LRRC7: variants seen among roughly 807,000 people sequenced by gnomAD.
LRRC7 encodes the protein leucine-rich repeat-containing protein 7.
Under a neutral mutation model 175.7 loss-of-function variants are expected in LRRC7, and 23 were observed. The observed-to-expected ratio is 0.13, with a 90% confidence interval of 0.09 to 0.19. The LOEUF is 0.19. LRRC7 is among the 10% of genes least tolerant of loss of function. LRRC7 has a pLI of 1.00. For missense variants in LRRC7, 1,354 were observed against 1,904.7 expected, an observed-to-expected ratio of 0.71 and a Z score of 5.38; for synonymous variants, 685 against 680.9, an observed-to-expected ratio of 1.01 and a Z score of -0.09.
intron 7 of LRRC7, chr1:69,919,345 T>G (rs1646811500): frequency 1.7e-6 from 1 of 597,354 alleles, no homozygotes; most frequent in Non-Finnish European, 3.0e-6. Context: ...AACAAGAGCG[T>G]GAGGAGGAAA....
At chr1:69,841,660 T>C (rs1244755258) in intron 7 of LRRC7, among the ~76,000 whole-genome samples, 3 of 152,156 alleles carry the variant, frequency 2.0e-5, no homozygotes, top group Admixed American at 2.0e-4. Context: ...TGATTTTGAC[T>C]CTTTGTTTAC....
At chr1:70,110,936 A>C (rs976023847) in intron 26 of LRRC7, among the ~76,000 whole-genome samples, 30 of 152,184 alleles carry the variant, frequency 2.0e-4, no homozygotes, top group African/African-American at 7.2e-4. Flanking sequence ...CTGGGAAAAA[A>C]TGGGTTAATA....
chr1:69,798,598 T>C (rs985743930), intron 4 of LRRC7, among the ~76,000 whole-genome samples: 1 of 152,194 alleles, frequency 6.6e-6, no homozygotes, highest in Non-Finnish European at 1.5e-5. Context: ...GTACCCATCA[T>C]GGAAATTAAA....
chr1:69,764,132 G>A (rs1394858117), intron 3 of LRRC7, among the ~76,000 whole-genome samples: 1 of 151,968 alleles, frequency 6.6e-6, no homozygotes, highest in Non-Finnish European at 1.5e-5. Flanking sequence ...TTGATTTTCT[G>A]TAGTGAAAGG....
chr1:69,601,696 A>G (rs565524122), intron 1 of LRRC7, among the ~76,000 whole-genome samples: 324 of 152,308 alleles, frequency 2.1e-3, no homozygotes, highest in Non-Finnish European at 2.7e-3. Context: ...CAATATATAA[A>G]ACTTTTTCCA....
At chr1:69,629,155 A>G (rs1038141701) in intron 1 of LRRC7, among the ~76,000 whole-genome samples, 1 of 152,138 alleles carries the variant, frequency 6.6e-6, no homozygotes, top group African/African-American at 2.4e-5. Context: ...TCTCTGAGAG[A>G]AACTGTCAAG....
intron 8 of LRRC7, among the ~76,000 whole-genome samples, chr1:69,947,334 AT>A (rs1311640893): frequency 6.6e-6 from 1 of 150,674 alleles, no homozygotes; most frequent in African/African-American, 2.4e-5. Context: ...TTTTTGTGTT[AT>A]TTTTCTTCTC....
At chr1:69,602,376 CCTTTGGAATAAA>C (rs1277771507) in intron 1 of LRRC7, among the ~76,000 whole-genome samples, 6 of 152,014 alleles carry the variant, frequency 3.9e-5, no homozygotes, top group African/African-American at 1.5e-4. Flanking sequence ...TGGTGAATGT[CCTTTGGAATAAA>C]CTAATGACTC....
At chr1:69,833,803 A>G (rs1056662308) in intron 5 of LRRC7, among the ~76,000 whole-genome samples, 3 of 152,016 alleles carry the variant, frequency 2.0e-5, no homozygotes, top group Non-Finnish European at 4.4e-5. Flanking sequence ...TTTCAGTAAC[A>G]GAATTGAGGT....
intron 4 of LRRC7, among the ~76,000 whole-genome samples, chr1:69,824,198 A>G (rs1200914020): frequency 6.6e-6 from 1 of 152,180 alleles, no homozygotes; most frequent in African/African-American, 2.4e-5. Flanking sequence ...CATCATGTAT[A>G]GCAGCATGCA....
chr1:69,813,233 T>C (rs1678167137), intron 4 of LRRC7, among the ~76,000 whole-genome samples: 1 of 152,144 alleles, frequency 6.6e-6, no homozygotes, highest in Non-Finnish European at 1.5e-5. Context: ...CTTGACACCC[T>C]TTCTTCTCTC....
At chr1:69,598,880 T>C (rs1478485475) in intron 1 of LRRC7, among the ~76,000 whole-genome samples, 1 of 152,230 alleles carries the variant, frequency 6.6e-6, no homozygotes, top group African/African-American at 2.4e-5. Context: ...TTATTCACTT[T>C]GTTCCCATTT....
At chr1:69,684,888 G>A (rs1660940377) in intron 2 of LRRC7, among the ~76,000 whole-genome samples, 1 of 152,210 alleles carries the variant, frequency 6.6e-6, no homozygotes, top group Admixed American at 6.5e-5. Context: ...AAACAGAACA[G>A]TAAGGCCCCA....
At chr1:70,011,756 C>T (rs2101951871) in intron 11 of LRRC7, 41 bp from the exon 12 acceptor site, 1 of 1,418,726 alleles carries the variant, frequency 7.0e-7, no homozygotes, top group Non-Finnish European at 9.8e-7. Context: ...ATTTTGCTAT[C>T]TAACTTTTAA....
chr1:69,746,683 T>A (rs995135210), intron 2 of LRRC7, among the ~76,000 whole-genome samples: 5 of 152,016 alleles, frequency 3.3e-5, no homozygotes, highest in African/African-American at 1.2e-4. Context: ...CAGTCTGTGG[T>A]CTAATAAACA....
At chr1:69,687,683 T>C (rs1370339441) in intron 2 of LRRC7, among the ~76,000 whole-genome samples, 2 of 151,854 alleles carry the variant, frequency 1.3e-5, no homozygotes, top group African/African-American at 4.8e-5. Context: ...TTTTGAATAA[T>C]AACAGAAATT....
At chr1:69,568,701 C>A in intron 1 of LRRC7, 60 bp downstream of exon 1, 1 of 1,272,308 alleles carries the variant, frequency 7.9e-7, no homozygotes, top group Non-Finnish European at 1.0e-6. Flanking sequence ...CCGCGGCGAC[C>A]GTAGGCGCGC....
intron 7 of LRRC7, among the ~76,000 whole-genome samples, chr1:69,916,881 G>C (rs1009070404): frequency 1.3e-5 from 2 of 152,010 alleles, no homozygotes; most frequent in Non-Finnish European, 2.9e-5. Flanking sequence ...AAATAAAATA[G>C]GGTAATATAT....
intron 4 of LRRC7, among the ~76,000 whole-genome samples, chr1:69,797,864 C>T (rs536856466): frequency 2.6e-5 from 4 of 152,166 alleles, no homozygotes; most frequent in African/African-American, 9.6e-5. Flanking sequence ...TCTATTAACT[C>T]CTACATTCCA....
Sources: allele counts gnomAD v4.1 joint callset (sites outside exome capture counted in the v4.1 genomes callset), GRCh38; gene constraint gnomAD v4.1.1; transcripts MANE v1.5; gene names NCBI Gene and HGNC (gene_info 2026-07-23, HGNC 2026-07-21).